Variants in CLIP1 observed in about 807,000 individuals in gnomAD.
CLIP1 encodes the protein CAP-Gly domain containing linker protein 1.
CLIP1 carries 66 observed loss-of-function variants against 161.6 expected under a neutral mutation model. That is an observed-to-expected ratio of 0.41 (90% CI 0.33 to 0.50). CLIP1 has a LOEUF of 0.50. CLIP1 is among the 20% of genes least tolerant of loss of function. The pLI, the probability that CLIP1 is intolerant of heterozygous loss-of-function variation, is 0.27. For missense variants in CLIP1, 1,376 were observed against 1,702.0 expected (o/e 0.81, Z 3.37); for synonymous variants, 598 against 626.2 (o/e 0.96, Z 0.67).
At chr12:122,332,579 G>A (rs974663027) in intron 15 of CLIP1, among the ~76,000 whole-genome samples, 1 of 151,820 alleles carries the variant, frequency 6.6e-6, no homozygotes, top group Non-Finnish European at 1.5e-5. Flanking sequence ...GCACCACCAC[G>A]CCTGGCTAAT....
chr12:122,368,929 AT>A (rs1363306142), intron 3 of CLIP1, among the ~76,000 whole-genome samples: 2 of 151,974 alleles, frequency 1.3e-5, no homozygotes, highest in Non-Finnish European at 2.9e-5. Flanking sequence ...TAAAATAAAC[AT>A]GGTTAGCTGG....
rs1297400985 is a variant in CLIP1, at chr12:122,341,332, C to T, written c.1872G>A (p.Lys624=). The change falls in exon 11 of 26, where the codon AAG becomes AAA. Residue 624 remains lysine, a synonymous_variant. Transcript: ENST00000620786. ...ATGCGATGGCAGTCTCCAGTTTGGA[C>T]TTCCATAGAGCTATCACATCTGAGT... ...KENSDVIALW[K]SKLETAIASH... 6.2e-7 allele frequency: 1 copy of T among 1,613,980 alleles called. No individual in the cohort carries two copies. Among genetic ancestry groups the T allele is most frequent in the African/African-American group, 1.3e-5 (1 of 74,932 alleles).
chr12:122,314,974 G>C (rs1182080021), intron 19 of CLIP1, among the ~76,000 whole-genome samples: 2 of 152,160 alleles, frequency 1.3e-5, no homozygotes, highest in Admixed American at 1.3e-4. Flanking sequence ...TGTTGGAACT[G>C]TTTAAACATA....
At chr12:122,275,553 G>C (rs921009014) in intron 24 of CLIP1, 1 of 152,090 alleles carries the variant, frequency 6.6e-6, no homozygotes, top group Non-Finnish European at 1.5e-5. Flanking sequence ...GGACGTTGCA[G>C]TGAGCCATGA....
chr12:122,285,444 G>A (rs985999692), intron 21 of CLIP1, among the ~76,000 whole-genome samples: 1 of 152,196 alleles, frequency 6.6e-6, no homozygotes, highest in African/African-American at 2.4e-5. Context: ...ATGTTAGCCA[G>A]GATGGTCTCA....
At chr12:122,404,353 T>G (rs1011113909) in intron 1 of CLIP1, among the ~76,000 whole-genome samples, 13 of 152,078 alleles carry the variant, frequency 8.5e-5, no homozygotes, top group African/African-American at 2.4e-4. Context: ...TCCCAGTACT[T>G]TGGGAGGCCA....
intron 3 of CLIP1, among the ~76,000 whole-genome samples, chr12:122,369,256 A>G (rs1954314205): frequency 6.6e-6 from 1 of 152,030 alleles, no homozygotes; most frequent in South Asian, 2.1e-4. Context: ...CCTGACCTCA[A>G]CTGATTCCAC....
chr12:122,301,432 A>G (rs1950674169), intron 20 of CLIP1, among the ~76,000 whole-genome samples: 1 of 152,190 alleles, frequency 6.6e-6, no homozygotes, highest in African/African-American at 2.4e-5. Context: ...GTACTTTGGG[A>G]GGCCGAGGCG....
chr12:122,396,213 C>T (rs1323214472), intron 1 of CLIP1, among the ~76,000 whole-genome samples: 1 of 152,064 alleles, frequency 6.6e-6, no homozygotes, highest in African/African-American at 2.4e-5. Flanking sequence ...CTATTGAGTT[C>T]ACCAGCCCCA....
In CLIP1 at chr12:122,322,287, T is replaced by A. The variant is rs76675464; in HGVS notation, c.3250-2939A>T. On this transcript the variant is annotated intron_variant, in intron 17 of 25. Transcript: ENST00000620786. ...AGGATGAAGTAGCTTTCTGCCAGGGTTTCCTTCTCCTTCAGGAGCTCATCC... is the reference window on the plus strand; with the variant it reads ...AGGATGAAGTAGCTTTCTGCCAGGGATTCCTTCTCCTTCAGGAGCTCATCC... 1,591 of 152,666 alleles carry A rather than the reference T, an allele frequency of 0.01. 71 individuals are homozygous for A. In the East Asian group the frequency reaches 0.15, roughly 14 times the overall value. 9.5% of individuals were successfully genotyped at this position (152,666 alleles called of 1,614,324 possible). A position where few individuals can be genotyped will look rare whatever the true frequency, so the allele number is the denominator to read the frequency against.
chr12:122,274,522 ACTT>A (rs896798509), intron 24 of CLIP1: 1 of 154,554 alleles, frequency 6.5e-6, no homozygotes, highest in African/African-American at 2.5e-5. Flanking sequence ...ACATGGGTAA[ACTT>A]CATTTGTTTT....
At position 122,404,915 on chromosome 12, in the gene CLIP1, A is replaced by AC. The variant is rs1424358699; in HGVS notation, c.-107+17605_-107+17606insG. Among the ~76,000 whole-genome samples, 79 of 150,538 alleles carry AC rather than the reference A, an allele frequency of 5.2e-4. 1 individual carries two copies. In the South Asian group the frequency reaches 7.1e-3, roughly 14 times the overall value. On this transcript the variant is annotated intron_variant, in intron 1 of 25. Transcript: ENST00000620786. ...ACTCCATCTCAAAAAAAAAAAACAA[A>AC]ACAAAAAAAAACCAACATGGTGCCA...
chr12:122,412,580 G>C (rs1435355673), intron 1 of CLIP1, among the ~76,000 whole-genome samples: 2 of 152,048 alleles, frequency 1.3e-5, no homozygotes, highest in Admixed American at 6.6e-5. Flanking sequence ...ATTTGAACTC[G>C]GTAGGCGGAG....
intron 4 of CLIP1, among the ~76,000 whole-genome samples, chr12:122,363,356 G>A (rs1482406328): frequency 6.6e-6 from 1 of 152,186 alleles, no homozygotes; most frequent in Non-Finnish European, 1.5e-5. Flanking sequence ...GCCAGGCATT[G>A]TGGCGTGCGC....
At chr12:122,421,835 C>T (rs893358412) in intron 1 of CLIP1, among the ~76,000 whole-genome samples, 3 of 152,218 alleles carry the variant, frequency 2.0e-5, no homozygotes, top group African/African-American at 7.2e-5. Flanking sequence ...AAAATAACCT[C>T]TGAACAAGTG....
intron 1 of CLIP1, among the ~76,000 whole-genome samples, chr12:122,410,440 C>T (rs10846826): frequency 0.79 from 116,252 of 147,822 alleles, 46,031 homozygotes; most frequent in East Asian, 0.85. Context: ...CATATATATA[C>T]ACACAGACAC....
chr12:122,325,054 A>T (rs1220933622), intron 17 of CLIP1, among the ~76,000 whole-genome samples: 1 of 123,612 alleles, frequency 8.1e-6, no homozygotes, highest in Non-Finnish European at 1.7e-5. Context: ...CAATGATATA[A>T]TTTTTTTTTT....
At position 122,370,405 on chromosome 12, in the gene CLIP1, C is replaced by A. The variant is rs964715148; in HGVS notation, c.658-6298G>T. On this transcript the variant is annotated intron_variant, in intron 3 of 25. Coordinates refer to ENST00000620786, the MANE Select transcript of CLIP1 (RefSeq NM_001247997.2). ...GCCATATCTACAACACCTGGAACAA[C>A]TTCCGGTGCATAGCAGACGCTCAGG... 9.2e-5 allele frequency among the ~76,000 whole-genome samples: 14 copies of A among 152,274 alleles called. No individual in the cohort carries two copies. The South Asian group carries it at 2.9e-3, about 32-fold the overall frequency.
chr12:122,316,063 G>C (rs1340522640), intron 19 of CLIP1, among the ~76,000 whole-genome samples: 1 of 151,928 alleles, frequency 6.6e-6, no homozygotes, highest in Non-Finnish European at 1.5e-5. Flanking sequence ...CAAATGTTAA[G>C]ATTGGCTGGC....
Sources: gnomAD v4.1 joint callset for allele counts (sites outside exome capture counted in the v4.1 genomes callset) on GRCh38, gnomAD v4.1.1 for gene constraint, MANE v1.5 for transcripts, NCBI Gene and HGNC (gene_info 2026-07-23, HGNC 2026-07-21) for gene names.